The following PDE2A variants were observed in gnomAD, a reference collection of about 807,000 sequenced individuals.
PDE2A encodes the protein cGMP-dependent 3',5'-cyclic phosphodiesterase.
PDE2A carries 53 observed loss-of-function variants against 133.6 expected under a neutral mutation model. The observed-to-expected ratio is 0.40, with a 90% CI of 0.32 to 0.50. PDE2A has a LOEUF of 0.50. PDE2A is among the 20% of genes least tolerant of loss of function. The pLI, the probability that PDE2A is intolerant of heterozygous loss-of-function variation, is 0.73. For missense variants in PDE2A, 796 were observed against 1,232.4 expected, an observed-to-expected ratio of 0.65 and a Z score of 5.30; for synonymous variants, 491 against 490.2, an observed-to-expected ratio of 1.00 and a Z score of -0.02.
intron 1 of PDE2A, among the ~76,000 whole-genome samples, chr11:72,654,211 C>T (rs932075): frequency 0.42 from 63,935 of 152,102 alleles, 14,855 homozygotes; most frequent in Middle Eastern, 0.66. Context: ...GCCCACCCAG[C>T]GCTGGGACCA....
In PDE2A at chr11:72,592,028, C is replaced by G. The variant is rs1415883643; in HGVS notation, c.490-672G>C. 8.5e-5 allele frequency among the ~76,000 whole-genome samples: 13 copies of G among 152,298 alleles called. No individual in the cohort carries two copies. The East Asian group carries it at 2.5e-3, about 29-fold the overall frequency. On this transcript the variant is annotated intron_variant, in intron 6 of 30. Coordinates refer to ENST00000334456, the MANE Select transcript of PDE2A (RefSeq NM_002599.5). ...CCGTTCTCTGCCCACACCTTCCCCC[C>G]TCTAGATCCACTCTCTCCACCACCC...
At chr11:72,615,004 G>T in intron 2 of PDE2A, 1 of 165,974 alleles carries the variant, frequency 6.0e-6, no homozygotes, top group South Asian at 4.7e-5. Flanking sequence ...ACCCCCTCCC[G>T]CTCCATGCCC....
chr11:72,658,171 A>G, intron 1 of PDE2A: 1 of 454,696 alleles, frequency 2.2e-6, no homozygotes, highest in African/African-American at 2.0e-5. Context: ...AGGATGCCCC[A>G]CCCCGACTTA....
At position 72,674,304 on chromosome 11, in the gene PDE2A, G is replaced by A. The variant is rs915779561; in HGVS notation, c.-97C>T. ...GGGCAGGGCACCCCCAGCAGGCACA[G>A]GGACCAAGAGCAGTGGGCTGCCCCC... On this transcript the variant is annotated 5_prime_UTR_variant, in exon 1 of 31. Transcript: ENST00000334456. The A allele has an allele frequency of 1.6e-6, 2 of 1,261,460 alleles. No individual in the cohort carries two copies. The highest frequency in any genetic ancestry group is 2.2e-6 in the Non-Finnish European group (2 of 905,086). 78.1% of individuals were successfully genotyped at this position (1,261,460 alleles called of 1,614,324 possible). A position where few individuals can be genotyped will look rare whatever the true frequency, so the allele number is the denominator to read the frequency against.
intron 16 of PDE2A, 34 bp from the exon 17 acceptor site, chr11:72,584,978 G>A (rs765714785): frequency 6.2e-7 from 1 of 1,601,448 alleles, no homozygotes; most frequent in Admixed American, 1.7e-5. Context: ...TCTGGGGCCT[G>A]ACAACCCCCT....
intron 11 of PDE2A, 25 bp downstream of exon 11, chr11:72,589,726 A>G (rs1230658915): frequency 1.2e-6 from 2 of 1,612,666 alleles, no homozygotes; most frequent in East Asian, 2.2e-5. Flanking sequence ...GCAGACTCCA[A>G]CGAGAAGACA....
intron 30 of PDE2A, 95 bp from the exon 31 acceptor site, chr11:72,577,689 A>C: frequency 1.2e-6 from 1 of 866,666 alleles, no homozygotes; most frequent in Non-Finnish European, 1.9e-6. Flanking sequence ...AACTTCCACA[A>C]GGGCCAGGTA....
At chr11:72,588,129 T>C (rs1483864240) in intron 13 of PDE2A, 2 of 152,394 alleles carry the variant, frequency 1.3e-5, no homozygotes, top group Non-Finnish European at 2.9e-5. Context: ...CAGAAATGGC[T>C]CATCAGACGC....
rs373247906 is a variant in PDE2A, at chr11:72,579,022, G to A, written c.2357-13C>T. 1.6e-4 allele frequency: 248 copies of A among 1,579,166 alleles called. No homozygotes were observed. Among genetic ancestry groups the A allele is most frequent in the South Asian group, 4.5e-4 (41 of 90,282 alleles). ...CGGTCGTAGCCCACTGTTGAGGGGA[G>A]GATGGGGTCAAGGAGCGGGGCCCAG... On this transcript the variant is annotated splice_polypyrimidine_tract_variant and intron_variant, in intron 27 of 30. Transcript: ENST00000334456.
chr11:72,664,752 T>G (rs1855185699), intron 1 of PDE2A, among the ~76,000 whole-genome samples: 1 of 152,078 alleles, frequency 6.6e-6, no homozygotes, highest in Non-Finnish European at 1.5e-5. Flanking sequence ...AAGGTCACTC[T>G]GTAAACATTA....
chr11:72,596,505 C>T (rs1322607165), intron 6 of PDE2A, 88 bp downstream of exon 6: 1 of 586,560 alleles, frequency 1.7e-6, no homozygotes, highest in South Asian at 4.3e-5. Flanking sequence ...CACACACACA[C>T]ACACACACAC....
chr11:72,673,716 C>T (rs1855436920), intron 1 of PDE2A, among the ~76,000 whole-genome samples: 1 of 147,690 alleles, frequency 6.8e-6, no homozygotes, highest in Non-Finnish European at 1.5e-5. Context: ...CCTTCACACA[C>T]ACATAGCCTT....
chr11:72,581,263 T>C, intron 23 of PDE2A, 94 bp downstream of exon 23: 1 of 1,268,980 alleles, frequency 7.9e-7, no homozygotes, highest in Non-Finnish European at 1.1e-6. Flanking sequence ...CATGAGGCAG[T>C]GCGTGTAAAG....
chr11:72,665,335 C>A (rs1855203094), intron 1 of PDE2A, among the ~76,000 whole-genome samples: 1 of 152,132 alleles, frequency 6.6e-6, no homozygotes, highest in Non-Finnish European at 1.5e-5. Flanking sequence ...GGGTGCTGAA[C>A]AGCAGAGCCG....
rs74504637 is a variant in PDE2A, at chr11:72,600,272, G to A, written c.324-2653C>T. 5.9e-3 allele frequency among the ~76,000 whole-genome samples: 896 copies of A among 152,264 alleles called. 5 individuals carry two copies. Among genetic ancestry groups the A allele is most frequent in the African/African-American group, 0.021 (858 of 41,550 alleles). Reference sequence around the variant, plus strand: ...CTCCACATAAGGAGACTGTGACACTGGAAACCTGGTCTCAGTGAGGGTCCT... The same window carrying A: ...CTCCACATAAGGAGACTGTGACACTAGAAACCTGGTCTCAGTGAGGGTCCT... On this transcript the variant is annotated intron_variant, in intron 4 of 30. Transcript: ENST00000334456.
intron 1 of PDE2A, among the ~76,000 whole-genome samples, chr11:72,671,497 C>T (rs1433573208): frequency 6.6e-6 from 1 of 151,996 alleles, no homozygotes; most frequent in Non-Finnish European, 1.5e-5. Context: ...CCCACCCCCG[C>T]CCCCACCCCC....
intron 2 of PDE2A, among the ~76,000 whole-genome samples, chr11:72,630,804 T>C (rs890731536): frequency 6.6e-6 from 1 of 151,220 alleles, no homozygotes; most frequent in African/African-American, 2.4e-5. Flanking sequence ...ACGGGAATTG[T>C]TGGGTGAGGG....
rs61417743 is a variant in PDE2A at position 72,628,649 on chromosome 11, G to A, written c.144+13605C>T. On this transcript the variant is annotated intron_variant, in intron 2 of 30. Coordinates refer to ENST00000334456, the MANE Select transcript of PDE2A (RefSeq NM_002599.5). ...CGGCAGTGATAGACGTTCTTATCCC[G>A]CCTGGCAGGTGAGGAGACTGATGCT... is the stretch of plus-strand genomic sequence containing the variant. Among the ~76,000 whole-genome samples the A allele has an allele frequency of 7.7e-3, 1,177 of 152,282 alleles. 13 individuals carry two copies. Among genetic ancestry groups the A allele is most frequent in the African/African-American group, 0.027 (1,105 of 41,554 alleles).
At chr11:72,612,987 T>C (rs187939179) in intron 2 of PDE2A, among the ~76,000 whole-genome samples, 82 of 152,280 alleles carry the variant, frequency 5.4e-4, no homozygotes, top group Non-Finnish European at 1.1e-3. Context: ...CTAAATTACT[T>C]CTAACTCGTT....
Sources: allele counts gnomAD v4.1 joint callset (sites outside exome capture counted in the v4.1 genomes callset), GRCh38; gene constraint gnomAD v4.1.1; transcripts MANE v1.5; gene names NCBI Gene and HGNC (gene_info 2026-07-23, HGNC 2026-07-21).